Variants in SFMBT1 observed in about 807,000 individuals in gnomAD.
SFMBT1 encodes scm-like with four MBT domains protein 1.
A neutral mutation model predicts 108.7 loss-of-function variants in SFMBT1; 32 were observed. That is an observed-to-expected ratio of 0.29 (90% confidence interval 0.22 to 0.40). SFMBT1 has a LOEUF of 0.40. Among genes scored for constraint, SFMBT1 ranks in the 10% least tolerant of loss-of-function variants. The pLI is 1.00. For missense variants in SFMBT1, 816 were observed against 1,059.6 expected (o/e 0.77, Z 3.19); for synonymous variants, 348 against 369.5 (o/e 0.94, Z 0.67).
intron 8 of SFMBT1, among the ~76,000 whole-genome samples, chr3:52,929,688 T>C (rs1463746111): frequency 2.0e-5 from 3 of 152,188 alleles, no homozygotes; most frequent in East Asian, 1.9e-4. Context: ...TAAATCTCAA[T>C]AGGTCAGAGG....
rs2106753759 is a variant in SFMBT1 at position 52,904,963 on chromosome 3, T to C, written c.*173A>G. ...TCCACCAGCAGGTGATCCACTTCTG[T>C]GCACAGTTTTTGCTTCCTCACTGTG... On this transcript the variant is annotated 3_prime_UTR_variant, in exon 21 of 21. Coordinates refer to ENST00000394752, the MANE Select transcript of SFMBT1 (RefSeq NM_016329.4). The C allele has an allele frequency of 2.9e-6, 2 of 693,938 alleles. No homozygotes were observed. The highest frequency in any genetic ancestry group is 1.8e-5 in the African/African-American group (1 of 54,140). The allele number at this position is 693,938 out of a possible 1,614,324, so 43.0% of individuals were successfully genotyped here. A position where few individuals can be genotyped will look rare whatever the true frequency, so the allele number is the denominator to read the frequency against.
rs1167041984 is a variant in SFMBT1, at chr3:52,904,427, C to T, written c.*709G>A. The T allele has an allele frequency of 2.0e-5, 3 of 152,076 alleles. No homozygotes were observed. The highest frequency in any genetic ancestry group is 7.3e-5 in the African/African-American group (3 of 41,356). 9.4% of individuals were successfully genotyped at this position (152,076 alleles called of 1,614,324 possible). On this transcript the variant is annotated 3_prime_UTR_variant, in exon 21 of 21. Transcript: ENST00000394752. ...ATGTTTTTAAGAAAGCAAACAGTTT[C>T]CCCCCCTCCAAATTCTGTCATAATT...
intron 1 of SFMBT1, among the ~76,000 whole-genome samples, chr3:52,979,374 A>T (rs1439046730): frequency 6.6e-6 from 1 of 152,214 alleles, no homozygotes; most frequent in Non-Finnish European, 1.5e-5. Flanking sequence ...AAGTCCAAAC[A>T]GGTGTTCCTA....
intron 1 of SFMBT1, among the ~76,000 whole-genome samples, chr3:53,030,975 G>A (rs1043785457): frequency 2.6e-5 from 4 of 152,118 alleles, no homozygotes; most frequent in African/African-American, 9.7e-5. Flanking sequence ...TTCCCCCATA[G>A]CTTCAAAATT....
chr3:52,977,212 AT>A (rs1347298874), intron 1 of SFMBT1, among the ~76,000 whole-genome samples: 1 of 152,212 alleles, frequency 6.6e-6, no homozygotes, highest in East Asian at 1.9e-4. Flanking sequence ...CAATGCCTGT[AT>A]TAAGAAAAAA....
intron 12 of SFMBT1, among the ~76,000 whole-genome samples, chr3:52,919,924 G>A (rs937947414): frequency 6.6e-6 from 1 of 152,234 alleles, no homozygotes; most frequent in Non-Finnish European, 1.5e-5. Context: ...GCTGGTATGA[G>A]AAGATGGGGC....
At chr3:52,908,540 A>C (rs990264818) in intron 17 of SFMBT1, among the ~76,000 whole-genome samples, 1 of 152,150 alleles carries the variant, frequency 6.6e-6, no homozygotes, top group Non-Finnish European at 1.5e-5. Context: ...TAACCATGTT[A>C]AGTTTGGCTC....
chr3:53,003,772 A>AAAAGAAAG (rs201404464), intron 1 of SFMBT1, among the ~76,000 whole-genome samples: 1 of 142,990 alleles, frequency 7.0e-6, no homozygotes, highest in Non-Finnish European at 1.5e-5. Flanking sequence ...AAAAAAAAAA[A>AAAAGAAAG]AAAGAAAAGA....
intron 1 of SFMBT1, among the ~76,000 whole-genome samples, chr3:52,994,727 C>T (rs200634264): frequency 6.7e-6 from 1 of 149,878 alleles, no homozygotes; most frequent in Non-Finnish European, 1.5e-5. Flanking sequence ...CTCAAACTCC[C>T]GACCTCAGGT....
intron 7 of SFMBT1, 116 bp from the exon 8 acceptor site, chr3:52,930,546 T>C: frequency 1.6e-6 from 1 of 633,042 alleles, no homozygotes; most frequent in Non-Finnish European, 2.7e-6. Flanking sequence ...AGTTTTCTTC[T>C]TTTTTTTAAA....
Position 52,904,956 on chromosome 3 carries a change from A to G in SFMBT1, c.*180T>C. The G allele has an allele frequency of 1.6e-6, 1 of 616,888 alleles. No homozygotes were observed. The highest frequency in any genetic ancestry group is 2.6e-6 in the Non-Finnish European group (1 of 385,648). The allele number at this position is 616,888 out of a possible 1,614,324, so 38.2% of individuals were successfully genotyped here. On this transcript the variant is annotated 3_prime_UTR_variant, in exon 21 of 21. Coordinates refer to ENST00000394752, the MANE Select transcript of SFMBT1 (RefSeq NM_016329.4). ...CCACATTTCCACCAGCAGGTGATCC[A>G]CTTCTGTGCACAGTTTTTGCTTCCT...
At chr3:52,908,695 A>T (rs1702140904) in intron 17 of SFMBT1, among the ~76,000 whole-genome samples, 1 of 152,074 alleles carries the variant, frequency 6.6e-6, no homozygotes, top group African/African-American at 2.4e-5. Context: ...CAGCCTCCTG[A>T]GTAGCTGGGA....
At chr3:52,916,034 G>T in intron 14 of SFMBT1, 116 bp downstream of exon 14, 1 of 764,660 alleles carries the variant, frequency 1.3e-6, no homozygotes, top group Non-Finnish European at 2.2e-6. Flanking sequence ...ACAATTAAGA[G>T]ACCCCTCTAT....
chr3:52,951,021 G>A (rs1703564258), intron 3 of SFMBT1, among the ~76,000 whole-genome samples: 1 of 150,416 alleles, frequency 6.6e-6, no homozygotes, highest in Admixed American at 6.6e-5. Context: ...CTACTCTGGA[G>A]GCTGAGGCAG....
intron 1 of SFMBT1, among the ~76,000 whole-genome samples, chr3:52,998,809 A>C (rs1698433271): frequency 6.6e-6 from 1 of 150,538 alleles, no homozygotes; most frequent in Non-Finnish European, 1.5e-5. Flanking sequence ...GATCGACCTG[A>C]CTGGCCCACA....
intron 1 of SFMBT1, among the ~76,000 whole-genome samples, chr3:53,019,376 T>C (rs1274679837): frequency 1.7e-5 from 2 of 117,174 alleles, no homozygotes; most frequent in African/African-American, 6.2e-5. Flanking sequence ...GTCACTGGTG[T>C]GTGTGTGTGT....
At chr3:52,977,729 G>A (rs978466689) in intron 1 of SFMBT1, among the ~76,000 whole-genome samples, 7 of 152,092 alleles carry the variant, frequency 4.6e-5, no homozygotes, top group African/African-American at 1.2e-4. Flanking sequence ...ACAAAACTAC[G>A]TATTTCTATA....
intron 1 of SFMBT1, among the ~76,000 whole-genome samples, chr3:52,972,422 C>A (rs1413963480): frequency 2.0e-5 from 3 of 152,140 alleles, no homozygotes; most frequent in Non-Finnish European, 4.4e-5. Flanking sequence ...CACGCTCTCT[C>A]TTTATTGTTA....
intron 3 of SFMBT1, among the ~76,000 whole-genome samples, chr3:52,951,265 T>C (rs1342577230): frequency 3.4e-5 from 5 of 147,450 alleles, no homozygotes; most frequent in African/African-American, 1.3e-4. Context: ...AGGACTGAAA[T>C]AGTTAAGGCA....
Sources: gnomAD v4.1 joint callset for allele counts (sites outside exome capture counted in the v4.1 genomes callset) on GRCh38, gnomAD v4.1.1 for gene constraint, MANE v1.5 for transcripts, NCBI Gene and HGNC (gene_info 2026-07-23, HGNC 2026-07-21) for gene names.